Variants in CSMD1 observed in about 807,000 individuals in gnomAD.
CSMD1 encodes the protein CUB and Sushi multiple domains 1, also known as CUB and sushi domain-containing protein 1.
CSMD1 carries 213 observed loss-of-function variants against 417.5 expected under a neutral mutation model. The observed-to-expected ratio is 0.51, with a 90% CI of 0.46 to 0.57. The LOEUF is 0.57. CSMD1 is among the 20% of genes least tolerant of loss of function. The pLI, the probability that CSMD1 is intolerant of heterozygous loss-of-function variation, is 0.00. For missense variants in CSMD1, 6,923 were observed against 4,529.7 expected (o/e 1.53, Z -15.17); for synonymous variants, 2,862 against 1,736.8 (o/e 1.65, Z -16.11).
intron 1 of CSMD1, among the ~76,000 whole-genome samples, chr8:4,918,766 G>A (rs978047286): frequency 2.6e-5 from 4 of 151,970 alleles, no homozygotes; most frequent in Non-Finnish European, 5.9e-5. Context: ...GCAGGTATGT[G>A]CATATGGAAT....
At chr8:3,449,075 G>T (rs903384170) in intron 12 of CSMD1, among the ~76,000 whole-genome samples, 2 of 151,694 alleles carry the variant, frequency 1.3e-5, no homozygotes, top group African/African-American at 4.8e-5. Flanking sequence ...AAAACTTGTT[G>T]CCTGTCTTCC....
intron 1 of CSMD1, among the ~76,000 whole-genome samples, chr8:4,916,346 A>G (rs567067950): frequency 7.6e-4 from 116 of 152,228 alleles, no homozygotes; most frequent in Non-Finnish European, 1.3e-3. Flanking sequence ...ACTTTTAAAT[A>G]TGGCAAAACC....
chr8:2,998,489 G>T (rs770441442), intron 53 of CSMD1, among the ~76,000 whole-genome samples: 2 of 152,040 alleles, frequency 1.3e-5, no homozygotes, highest in Non-Finnish European at 2.9e-5. Context: ...ATTTAAAAAC[G>T]AAGCAGTGAA....
intron 26 of CSMD1, among the ~76,000 whole-genome samples, chr8:3,239,363 C>G (rs931560202): frequency 3.4e-5 from 5 of 146,696 alleles, no homozygotes; most frequent in Non-Finnish European, 7.7e-5. Flanking sequence ...AATGACAAGG[C>G]TAAACTGAAG....
rs758415361 is a variant in CSMD1, at chr8:3,151,416, G to T, written c.6012C>A (p.Ile2004=). 6.2e-7 allele frequency: 1 copy of T among 1,612,066 alleles called. No individual in the cohort carries two copies. Among genetic ancestry groups the T allele is most frequent in the Admixed American group, 1.7e-5 (1 of 59,980 alleles). The change falls in exon 40 of 70, where the codon ATC becomes ATA. Residue 2004 remains isoleucine (I), a synonymous_variant. Coordinates refer to ENST00000635120, the MANE Select transcript of CSMD1 (RefSeq NM_033225.6). Reference sequence around the variant, plus strand: ...ACTTACCATAGCCGATGGGTAATGAGATCCTCCAGGTGCAGTCTAAGTTGT... The same window carrying T: ...ACTTACCATAGCCGATGGGTAATGATATCCTCCAGGTGCAGTCTAAGTTGT... ...YPNNLDCTWR[I]SLPIGYGAHI...
intron 3 of CSMD1, among the ~76,000 whole-genome samples, chr8:4,360,817 T>C (rs1045788998): frequency 6.6e-5 from 10 of 152,118 alleles, no homozygotes; most frequent in Admixed American, 2.0e-4. Context: ...AATCTCACAG[T>C]TCCTGACACA....
chr8:3,994,975 C>G (rs1815088988), intron 5 of CSMD1, among the ~76,000 whole-genome samples: 1 of 152,162 alleles, frequency 6.6e-6, no homozygotes, highest in Non-Finnish European at 1.5e-5. Flanking sequence ...CCTCCTGGCT[C>G]TGTGGAATGA....
chr8:4,175,880 G>T (rs1038237608), intron 3 of CSMD1, among the ~76,000 whole-genome samples: 2 of 152,138 alleles, frequency 1.3e-5, no homozygotes, highest in Admixed American at 1.3e-4. Flanking sequence ...GAGTAATGGG[G>T]TCCAGTTGAT....
chr8:4,485,023 AAG>A (rs1192076647), intron 2 of CSMD1, among the ~76,000 whole-genome samples: 10 of 139,648 alleles, frequency 7.2e-5, no homozygotes, highest in Non-Finnish European at 1.4e-4. Flanking sequence ...AAAAAAAAGA[AAG>A]AGTCACTATG....
intron 3 of CSMD1, among the ~76,000 whole-genome samples, chr8:4,203,874 G>C (rs1156465769): frequency 6.6e-6 from 1 of 152,162 alleles, no homozygotes; most frequent in Non-Finnish European, 1.5e-5. Flanking sequence ...GCTGAGGTAG[G>C]TGGATCCCTT....
At chr8:4,104,162 T>C (rs1049150455) in intron 3 of CSMD1, among the ~76,000 whole-genome samples, 4 of 152,218 alleles carry the variant, frequency 2.6e-5, no homozygotes, top group African/African-American at 9.6e-5. Context: ...TTACTGTCCT[T>C]GATTTTCACT....
intron 5 of CSMD1, among the ~76,000 whole-genome samples, chr8:3,867,486 G>A (rs1426114342): frequency 2.0e-5 from 3 of 152,152 alleles, no homozygotes; most frequent in African/African-American, 4.8e-5. Context: ...CTGACCTGCT[G>A]AAGAGGGTGT....
intron 50 of CSMD1, chr8:3,043,637 C>G (rs1272876021): frequency 6.6e-6 from 1 of 152,028 alleles, no homozygotes; most frequent in Non-Finnish European, 1.5e-5. Context: ...ACAATACCCA[C>G]ATATTGTGAT....
At chr8:3,138,731 A>G (rs1188343765) in intron 41 of CSMD1, among the ~76,000 whole-genome samples, 1 of 152,170 alleles carries the variant, frequency 6.6e-6, no homozygotes, top group African/African-American at 2.4e-5. Flanking sequence ...GCTGCTGGAG[A>G]TATTTCAGAG....
In CSMD1 at chr8:4,784,371, C is replaced by G. The variant is rs545371847; in HGVS notation, c.86-146813G>C. Among the ~76,000 whole-genome samples, 4 of 152,310 alleles carry G rather than the reference C, an allele frequency of 2.6e-5. No homozygotes were observed. In the East Asian group the frequency reaches 7.7e-4, roughly 29 times the overall value. On this transcript the variant is annotated intron_variant, in intron 1 of 69. Transcript: ENST00000635120. ...TCCCCCTGCAGGGTCATTTAATGAA[C>G]TGTGCTACCTTGTAACACAAGCAAT...
chr8:4,959,449 C>T (rs1333450634), intron 1 of CSMD1, among the ~76,000 whole-genome samples: 1 of 152,194 alleles, frequency 6.6e-6, no homozygotes, highest in Non-Finnish European at 1.5e-5. Flanking sequence ...GGTAGCCTAA[C>T]CATGCACAGA....
chr8:3,984,704 C>CATATATATAT (rs59669026), intron 5 of CSMD1, among the ~76,000 whole-genome samples: 39 of 82,830 alleles, frequency 4.7e-4, no homozygotes, highest in East Asian at 1.0e-3. Context: ...GTGTATATAT[C>CATATATATAT]ATATATATAT....
At chr8:3,954,193 T>G (rs527646268) in intron 5 of CSMD1, among the ~76,000 whole-genome samples, 3 of 152,254 alleles carry the variant, frequency 2.0e-5, no homozygotes, top group South Asian at 4.1e-4. Flanking sequence ...AGAAGGAATT[T>G]GACTGAGGGG....
At chr8:3,818,059 G>C (rs1274524156) in intron 5 of CSMD1, among the ~76,000 whole-genome samples, 1 of 152,062 alleles carries the variant, frequency 6.6e-6, no homozygotes, top group Non-Finnish European at 1.5e-5. Context: ...ATTCGGCTTG[G>C]AGCAGGCATG....
Sources: gnomAD v4.1 joint callset for allele counts (sites outside exome capture counted in the v4.1 genomes callset) on GRCh38, gnomAD v4.1.1 for gene constraint, MANE v1.5 for transcripts, NCBI Gene and HGNC (gene_info 2026-07-23, HGNC 2026-07-21) for gene names.